TPD52: variants seen among roughly 807,000 people sequenced by gnomAD.
TPD52 encodes the protein prostate and colon associated protein.
Under a neutral mutation model 31.3 loss-of-function variants are expected in TPD52, and 17 were observed. The observed-to-expected ratio is 0.54, with a 90% CI of 0.37 to 0.82. The LOEUF (loss-of-function observed/expected upper bound fraction) is 0.82. TPD52 is among the 40% of genes least tolerant of loss of function. The pLI is 0.00. For synonymous variants in TPD52, 83 were observed against 89.6 expected (o/e 0.93, Z 0.42); for missense variants, 212 against 240.1 (o/e 0.88, Z 0.77).
intron 2 of TPD52, among the ~76,000 whole-genome samples, chr8:80,062,985 TA>T (rs967909348): frequency 6.6e-6 from 1 of 151,774 alleles, no homozygotes. Context: ...AAAAAAAAGT[TA>T]AAAAAATTTT....
At chr8:80,109,316 C>T (rs958937406) in intron 1 of TPD52, among the ~76,000 whole-genome samples, 1 of 152,102 alleles carries the variant, frequency 6.6e-6, no homozygotes, top group African/African-American at 2.4e-5. Context: ...AGAACTTGTG[C>T]GGTCAATCAC....
At chr8:80,042,132 T>G (rs1318018128) in intron 7 of TPD52, 3 of 962,598 alleles carry the variant, frequency 3.1e-6, no homozygotes, top group Non-Finnish European at 3.7e-6. Context: ...GCACATAATA[T>G]TGAAAGAGAA....
intron 1 of TPD52, among the ~76,000 whole-genome samples, chr8:80,151,798 C>T (rs942635327): frequency 4.6e-5 from 7 of 152,260 alleles, no homozygotes; most frequent in Admixed American, 6.5e-5. Flanking sequence ...AGGCTGCCCA[C>T]TTACCAAATA....
intron 1 of TPD52, among the ~76,000 whole-genome samples, chr8:80,097,588 A>C (rs916948792): frequency 6.6e-6 from 1 of 152,160 alleles, no homozygotes; most frequent in Non-Finnish European, 1.5e-5. Flanking sequence ...TGTTCCACCC[A>C]TCTAAGACGT....
At chr8:80,034,690 C>A (rs557850706), downstream of TPD52, 9 of 152,112 alleles carry the variant, frequency 5.9e-5, no homozygotes, top group South Asian at 6.2e-4. Flanking sequence ...ATTCTAGAAA[C>A]CAAGGAGAAA....
chr8:80,147,585 C>T (rs1339893083), intron 1 of TPD52, among the ~76,000 whole-genome samples: 1 of 152,168 alleles, frequency 6.6e-6, no homozygotes, highest in African/African-American at 2.4e-5. Context: ...CTTTTGCTGT[C>T]CTGTTTTGTT....
intron 1 of TPD52, among the ~76,000 whole-genome samples, chr8:80,131,542 G>C (rs1809018367): frequency 6.6e-6 from 1 of 152,128 alleles, no homozygotes; most frequent in Non-Finnish European, 1.5e-5. Flanking sequence ...GAATTTCCCA[G>C]TTATAGGTGG....
At chr8:80,106,977 G>A (rs976403293) in intron 1 of TPD52, among the ~76,000 whole-genome samples, 7 of 151,024 alleles carry the variant, frequency 4.6e-5, no homozygotes, top group Admixed American at 6.6e-5. Context: ...TCAGCCTCCC[G>A]AGTAGCTGGG....
At chr8:80,143,279 T>A (rs962874461) in intron 1 of TPD52, among the ~76,000 whole-genome samples, 3 of 152,154 alleles carry the variant, frequency 2.0e-5, no homozygotes, top group African/African-American at 7.2e-5. Context: ...AGAAGTTGTA[T>A]CCAGAATGAG....
intron 1 of TPD52, among the ~76,000 whole-genome samples, chr8:80,141,736 C>A (rs1261933629): frequency 2.0e-5 from 3 of 152,094 alleles, no homozygotes; most frequent in South Asian, 2.1e-4. Flanking sequence ...ATGGTGAAAT[C>A]CCGTCTCTAC....
chr8:80,143,755 T>A (rs1810000679), intron 1 of TPD52, among the ~76,000 whole-genome samples: 1 of 152,212 alleles, frequency 6.6e-6, no homozygotes, highest in Admixed American at 6.5e-5. Context: ...GTAGAAACAA[T>A]GAAAAACTTA....
At chr8:80,065,880 T>C (rs1178520914) in intron 1 of TPD52, among the ~76,000 whole-genome samples, 4 of 151,846 alleles carry the variant, frequency 2.6e-5, no homozygotes, top group Non-Finnish European at 5.9e-5. Flanking sequence ...TGCCTTACCC[T>C]AGGCTTCAGT....
chr8:80,086,877 CAAAAAAAAAAAAAA>C (rs58864911), intron 1 of TPD52, among the ~76,000 whole-genome samples: 15 of 76,564 alleles, frequency 2.0e-4, no homozygotes, highest in South Asian at 1.9e-3. Context: ...GCTGTCTCAA[CAAAAAAAAAAAAAA>C]AAAAAAAAAA....
chr8:80,111,326 G>T (rs1473354061), intron 1 of TPD52, among the ~76,000 whole-genome samples: 1 of 152,232 alleles, frequency 6.6e-6, no homozygotes, highest in Non-Finnish European at 1.5e-5. Context: ...ATTGGCATCT[G>T]AAGTGGGGGA....
chr8:80,053,496 C>A (rs138854603), intron 2 of TPD52, 66 bp from the exon 3 acceptor site: 719 of 1,508,204 alleles, frequency 4.8e-4, no homozygotes, highest in Non-Finnish European at 6.0e-4. Flanking sequence ...ATTATTACCA[C>A]AGAACTACAT....
At chr8:80,154,773 G>A (rs1332325319) in intron 1 of TPD52, among the ~76,000 whole-genome samples, 1 of 147,978 alleles carries the variant, frequency 6.8e-6, no homozygotes, top group African/African-American at 2.5e-5. Flanking sequence ...CATTAGCTTT[G>A]AAGTAGCAAT....
chr8:80,044,362 T>C (rs1290444911), intron 5 of TPD52, among the ~76,000 whole-genome samples, 154 bp from the exon 6 acceptor site: 3 of 152,180 alleles, frequency 2.0e-5, no homozygotes, highest in Non-Finnish European at 4.4e-5. Context: ...ATCAAAGTTA[T>C]TCCAACATAA....
intron 1 of TPD52, among the ~76,000 whole-genome samples, chr8:80,106,643 A>G (rs1807137913): frequency 6.7e-6 from 1 of 149,512 alleles, no homozygotes; most frequent in Admixed American, 6.7e-5. Context: ...GACATGAGCC[A>G]CTGTGTCCAG....
At chr8:80,040,291 G>A (rs1024903114) in intron 7 of TPD52, among the ~76,000 whole-genome samples, 4 of 144,568 alleles carry the variant, frequency 2.8e-5, no homozygotes, top group Admixed American at 2.2e-4. Flanking sequence ...GGGCTCAAGC[G>A]ATCTTCCTAC....
Sources: allele counts gnomAD v4.1 joint callset (sites outside exome capture counted in the v4.1 genomes callset), GRCh38; gene constraint gnomAD v4.1.1; transcripts MANE v1.5; gene names NCBI Gene and HGNC (gene_info 2026-07-23, HGNC 2026-07-21).